C12orf42: variants seen among roughly 807,000 people sequenced by gnomAD.
The protein encoded by C12orf42 is chromosome 12 open reading frame 42.
In C12orf42, 25 loss-of-function variants were observed where a neutral mutation model predicts 21.6. The observed-to-expected ratio is 1.16, with a 90% CI of 0.84 to 1.62. The LOEUF (loss-of-function observed/expected upper bound fraction) is 1.62, where lower values mean the gene tolerates loss of function less well. Ranked by LOEUF, C12orf42 falls within the 40% of genes most tolerant of loss-of-function variation. The probability of loss-of-function intolerance (pLI) is 0.00; values close to 1 mark genes in which losing one functional copy is unlikely to be tolerated. For missense variants in C12orf42, 483 were observed against 459.3 expected, an observed-to-expected ratio of 1.05 and a Z score of -0.47; for synonymous variants, 174 against 175.0, an observed-to-expected ratio of 0.99 and a Z score of 0.05.
At chr12:103,311,632 T>C (rs1258131755) in intron 4 of C12orf42, among the ~76,000 whole-genome samples, 2 of 152,216 alleles carry the variant, frequency 1.3e-5, no homozygotes, top group Non-Finnish European at 2.9e-5. Flanking sequence ...TTTTCAAATC[T>C]ACCATTCTAG....
intron 4 of C12orf42, among the ~76,000 whole-genome samples, chr12:103,310,065 C>T (rs1278162115): frequency 6.6e-6 from 1 of 152,200 alleles, no homozygotes; most frequent in Non-Finnish European, 1.5e-5. Flanking sequence ...GTACCCCACC[C>T]AAATCTCACG....
the C12orf42 span, among the ~76,000 whole-genome samples, chr12:103,070,794 T>C: frequency 6.6e-6 from 1 of 152,158 alleles, no homozygotes; most frequent in Admixed American, 6.6e-5. Context: ...CTTGCTATGA[T>C]TTTCTTTGTA....
the C12orf42 span, among the ~76,000 whole-genome samples, chr12:103,562,562 A>G: frequency 6.6e-6 from 1 of 152,208 alleles, no homozygotes; most frequent in African/African-American, 2.4e-5. Context: ...TTACCTCAGC[A>G]TGGCTTACTG....
intron 4 of C12orf42, among the ~76,000 whole-genome samples, chr12:103,329,902 G>A (rs1330719513): frequency 6.6e-6 from 1 of 151,722 alleles, no homozygotes; most frequent in East Asian, 1.9e-4. Context: ...TGACACATAT[G>A]TATATCCACT....
chr12:103,220,174 G>A, the C12orf42 span, among the ~76,000 whole-genome samples: 3 of 152,022 alleles, frequency 2.0e-5, no homozygotes, highest in East Asian at 1.9e-4. Context: ...AAAACCAAAC[G>A]CCACACGTAC....
chr12:103,240,598 CTTTA>C (rs769578604), intron 10 of C12orf42, among the ~76,000 whole-genome samples: 3 of 152,238 alleles, frequency 2.0e-5, no homozygotes, highest in South Asian at 2.1e-4. Flanking sequence ...TAGTTGGAGT[CTTTA>C]TTTAATGCCA....
the C12orf42 span, chr12:103,164,484 G>A: frequency 2.2e-6 from 1 of 453,826 alleles, no homozygotes; most frequent in African/African-American, 2.0e-5. Context: ...TACTGAATAA[G>A]TGAGTACATT....
At chr12:103,336,568 T>C (rs1458377600) in intron 4 of C12orf42, among the ~76,000 whole-genome samples, 1 of 152,194 alleles carries the variant, frequency 6.6e-6, no homozygotes, top group African/African-American at 2.4e-5. Flanking sequence ...AGATCTCCTA[T>C]AGAATGTGGC....
the C12orf42 span, among the ~76,000 whole-genome samples, chr12:103,176,287 G>T: frequency 6.6e-6 from 1 of 152,176 alleles, no homozygotes; most frequent in Non-Finnish European, 1.5e-5. Context: ...GTGTTTTAGA[G>T]TCAGACTTCC....
intron 2 of C12orf42, chr12:103,478,146 G>C (rs1305167672): frequency 2.0e-6 from 1 of 489,622 alleles, no homozygotes; most frequent in Middle Eastern, 5.4e-4. Context: ...GTCCCTAATA[G>C]TGGGAAAAAA....
intron 10 of C12orf42, among the ~76,000 whole-genome samples, chr12:103,241,333 C>A (rs1278623617): frequency 6.6e-6 from 1 of 152,108 alleles, no homozygotes; most frequent in African/African-American, 2.4e-5. Flanking sequence ...TAGTCATTTA[C>A]CTAATGGAGC....
At chr12:103,221,934 T>C in the C12orf42 span, among the ~76,000 whole-genome samples, 3 of 152,152 alleles carry the variant, frequency 2.0e-5, no homozygotes. Flanking sequence ...AAACATAGTG[T>C]CCTGCAGTAA....
At chr12:103,062,372 G>GT in the C12orf42 span, among the ~76,000 whole-genome samples, 1 of 151,658 alleles carries the variant, frequency 6.6e-6, no homozygotes, top group East Asian at 1.9e-4. Context: ...AGTCATATGT[G>GT]TATGTCATTT....
intron 1 of C12orf42, among the ~76,000 whole-genome samples, chr12:103,483,798 G>C (rs1227110696): frequency 6.6e-6 from 1 of 152,046 alleles, no homozygotes; most frequent in Admixed American, 6.6e-5. Flanking sequence ...TTCTCCTAAT[G>C]CTATCCCTCC....
At chr12:103,086,682 C>G in the C12orf42 span, among the ~76,000 whole-genome samples, 1 of 151,706 alleles carries the variant, frequency 6.6e-6, no homozygotes. Flanking sequence ...TTTTGAAACC[C>G]CAATAACTCA....
Position 103,428,209 on chromosome 12 carries a change from G to T in C12orf42, c.79-26534C>A, listed in dbSNP as rs148920782. On this transcript the variant is annotated intron_variant, in intron 2 of 5. Transcript: ENST00000548883. Reference sequence around the variant, plus strand: ...GTTTTTTGAAAAGACTAGCAAGATGGATAGACCACTAGCCAGACTAATAAA... The same window carrying T: ...GTTTTTTGAAAAGACTAGCAAGATGTATAGACCACTAGCCAGACTAATAAA... Among the ~76,000 whole-genome samples, 939 of 152,122 alleles carry T rather than the reference G, an allele frequency of 6.2e-3. 9 individuals are homozygous for T. Among genetic ancestry groups the T allele is most frequent in the Non-Finnish European group, 8.6e-3 (586 of 67,994 alleles).
chr12:103,118,670 C>A, the C12orf42 span, among the ~76,000 whole-genome samples: 1 of 143,426 alleles, frequency 7.0e-6, no homozygotes, highest in African/African-American at 2.6e-5. Flanking sequence ...TGGTGGTGGG[C>A]GCCTGTAGTC....
At chr12:103,285,773 T>C (rs1051089417) in intron 4 of C12orf42, among the ~76,000 whole-genome samples, 7 of 152,178 alleles carry the variant, frequency 4.6e-5, no homozygotes, top group African/African-American at 1.7e-4. Flanking sequence ...TTGGAGAAGA[T>C]TGTTTTAGTC....
At chr12:103,190,629 G>C in the C12orf42 span, among the ~76,000 whole-genome samples, 1 of 152,160 alleles carries the variant, frequency 6.6e-6, no homozygotes, top group East Asian at 1.9e-4. Flanking sequence ...GCCATATAGG[G>C]CTTCAATAGC....
Sources: allele counts gnomAD v4.1 joint callset (sites outside exome capture counted in the v4.1 genomes callset), GRCh38; gene constraint gnomAD v4.1.1; transcripts MANE v1.5; gene names NCBI Gene and HGNC (gene_info 2026-07-23, HGNC 2026-07-21).